The following BBX variants were observed in gnomAD, a reference collection of about 807,000 sequenced individuals.
BBX encodes HMG box transcription factor BBX.
Under a neutral mutation model 100.2 loss-of-function variants are expected in BBX, and 30 were observed. That is an observed-to-expected ratio of 0.30 (90% CI 0.22 to 0.41). The LOEUF (loss-of-function observed/expected upper bound fraction) is 0.41, where lower values mean the gene tolerates loss of function less well. Ranked by LOEUF, BBX falls within the 10% of genes least tolerant of loss-of-function variation. BBX has a pLI of 1.00. For synonymous variants in BBX, 376 were observed against 388.1 expected, an observed-to-expected ratio of 0.97 and a Z score of 0.37; for missense variants, 1,023 against 1,129.8, an observed-to-expected ratio of 0.91 and a Z score of 1.35.
chr3:107,698,459 T>C (rs967043077), intron 3 of BBX, among the ~76,000 whole-genome samples: 1 of 151,620 alleles, frequency 6.6e-6, no homozygotes, highest in Non-Finnish European at 1.5e-5. Flanking sequence ...GACATCAGCC[T>C]GGCCAATATG....
Position 107,732,323 on chromosome 3 carries a change from A to G in BBX, c.602-633A>G, listed in dbSNP as rs932397819. Among the ~76,000 whole-genome samples, 3 of 152,340 alleles carry G rather than the reference A, an allele frequency of 2.0e-5. No homozygotes were observed. In the East Asian group the frequency reaches 5.8e-4, roughly 29 times the overall value. Reference sequence around the variant, plus strand: ...TGAAATAGTGAAAACAAAGACTTTGATAACATAAAAAGCATTAATTTTATA... The same window carrying G: ...TGAAATAGTGAAAACAAAGACTTTGGTAACATAAAAAGCATTAATTTTATA... On this transcript the variant is annotated intron_variant, in intron 6 of 17. Transcript: ENST00000325805.
At chr3:107,724,327 A>G (rs1481172746) in intron 5 of BBX, among the ~76,000 whole-genome samples, 3 of 152,026 alleles carry the variant, frequency 2.0e-5, no homozygotes, top group African/African-American at 7.2e-5. Context: ...AGATGAGTAG[A>G]TTGCAAAAAT....
intron 14 of BBX, 71 bp downstream of exon 14, chr3:107,789,947 T>G: frequency 8.3e-7 from 1 of 1,204,666 alleles, no homozygotes. Flanking sequence ...TGAGTAATGC[T>G]CCCATGCACT....
At chr3:107,612,950 G>A (rs1315049815) in intron 2 of BBX, among the ~76,000 whole-genome samples, 2 of 152,116 alleles carry the variant, frequency 1.3e-5, no homozygotes, top group Non-Finnish European at 1.5e-5. Flanking sequence ...AGCTGGCACT[G>A]AAACCACAAG....
intron 1 of BBX, 148 bp from the exon 2 acceptor site, chr3:107,526,179 C>CG (rs1461221595): frequency 1.2e-4 from 47 of 395,612 alleles, no homozygotes; most frequent in Non-Finnish European, 1.8e-4. Flanking sequence ...TCTCCAGTGT[C>CG]GGGGGGTGGT....
intron 2 of BBX, among the ~76,000 whole-genome samples, chr3:107,587,940 GT>G (rs1559845523): frequency 6.6e-6 from 1 of 152,080 alleles, no homozygotes; most frequent in South Asian, 2.1e-4. Context: ...CCTACCTTTA[GT>G]AATTCACAGT....
At chr3:107,735,766 T>C (rs944029717) in intron 7 of BBX, among the ~76,000 whole-genome samples, 2 of 152,154 alleles carry the variant, frequency 1.3e-5, no homozygotes, top group Admixed American at 6.5e-5. Context: ...TCTTGAGATA[T>C]CAATCGCAAA....
At chr3:107,628,047 T>G (rs1252122487) in intron 2 of BBX, among the ~76,000 whole-genome samples, 2 of 152,100 alleles carry the variant, frequency 1.3e-5, no homozygotes, top group Non-Finnish European at 2.9e-5. Flanking sequence ...AGCAATTATC[T>G]TCTTTAAACA....
chr3:107,668,311 C>T (rs2058851175), intron 3 of BBX, among the ~76,000 whole-genome samples: 2 of 152,156 alleles, frequency 1.3e-5, no homozygotes, highest in Admixed American at 1.3e-4. Flanking sequence ...AGCACTGTGT[C>T]TCATTTGAAT....
At chr3:107,635,601 G>A (rs2056801623) in intron 2 of BBX, among the ~76,000 whole-genome samples, 1 of 152,220 alleles carries the variant, frequency 6.6e-6, no homozygotes. Flanking sequence ...ATATCATCAT[G>A]TGCCAAAAAT....
chr3:107,660,034 CCTCAAGTACCA>C (rs1471152541), intron 3 of BBX, among the ~76,000 whole-genome samples: 1 of 151,992 alleles, frequency 6.6e-6, no homozygotes, highest in Non-Finnish European at 1.5e-5. Flanking sequence ...TCAGGAAAAT[CCTCAAGTACCA>C]CTTGAGCAAT....
At chr3:107,526,983 A>G (rs1395749734) in intron 2 of BBX, among the ~76,000 whole-genome samples, 1 of 152,230 alleles carries the variant, frequency 6.6e-6, no homozygotes. Flanking sequence ...GTTTGGAGAA[A>G]TTAGGAACAA....
At chr3:107,691,073 A>T (rs2060142252) in intron 3 of BBX, among the ~76,000 whole-genome samples, 1 of 151,702 alleles carries the variant, frequency 6.6e-6, no homozygotes. Flanking sequence ...TGCCTGGTTA[A>T]TTATTAAATT....
intron 2 of BBX, among the ~76,000 whole-genome samples, chr3:107,565,763 T>A (rs908190357): frequency 2.2e-4 from 33 of 151,904 alleles, no homozygotes; most frequent in Admixed American, 1.2e-3. Flanking sequence ...AACCTAGTTT[T>A]TTTTTTATTT....
intron 13 of BBX, among the ~76,000 whole-genome samples, chr3:107,785,897 C>T (rs953892229): frequency 6.6e-6 from 1 of 151,948 alleles, no homozygotes; most frequent in Non-Finnish European, 1.5e-5. Flanking sequence ...TATATTTATT[C>T]TCAGATAACA....
At chr3:107,716,244 A>G (rs1488497900) in intron 4 of BBX, among the ~76,000 whole-genome samples, 1 of 152,194 alleles carries the variant, frequency 6.6e-6, no homozygotes, top group Non-Finnish European at 1.5e-5. Context: ...TTAATTAAGT[A>G]CTAATATTAT....
intron 15 of BBX, among the ~76,000 whole-genome samples, chr3:107,794,315 T>C (rs1312811809): frequency 1.3e-5 from 2 of 152,138 alleles, no homozygotes; most frequent in African/African-American, 4.8e-5. Flanking sequence ...CACAAGCAGA[T>C]AGGGAAGAAA....
intron 13 of BBX, among the ~76,000 whole-genome samples, chr3:107,785,916 T>C (rs1559733594): frequency 6.6e-6 from 1 of 152,008 alleles, no homozygotes; most frequent in Non-Finnish European, 1.5e-5. Context: ...CATGACCTTG[T>C]ATATAGAAAA....
intron 2 of BBX, among the ~76,000 whole-genome samples, chr3:107,558,022 A>G (rs2050205448): frequency 6.6e-6 from 1 of 152,216 alleles, no homozygotes; most frequent in South Asian, 2.1e-4. Flanking sequence ...GCTTGGCAGC[A>G]GTCTGTGGTT....
Sources: allele counts gnomAD v4.1 joint callset (sites outside exome capture counted in the v4.1 genomes callset), GRCh38; gene constraint gnomAD v4.1.1; transcripts MANE v1.5; gene names NCBI Gene and HGNC (gene_info 2026-07-23, HGNC 2026-07-21).